RORA: variants seen among roughly 807,000 people sequenced by gnomAD.
RORA encodes nuclear receptor ROR-alpha.
Under a neutral mutation model 69.5 loss-of-function variants are expected in RORA, and 7 were observed. The ratio of observed to expected loss-of-function variants is 0.10; its 90% CI spans 0.06 to 0.19. The LOEUF is 0.19. RORA is among the 10% of genes least tolerant of loss of function. The pLI, the probability that RORA is intolerant of heterozygous loss-of-function variation, is 1.00. For synonymous variants in RORA, 261 were observed against 240.8 expected (o/e 1.08, Z -0.78); for missense variants, 457 against 663.0 (o/e 0.69, Z 3.41).
chr15:60,829,062 A>G (rs2073003469), intron 1 of RORA, among the ~76,000 whole-genome samples: 1 of 152,170 alleles, frequency 6.6e-6, no homozygotes, highest in African/African-American at 2.4e-5. Context: ...CCTTGGAGCC[A>G]GTGAGAGAAC....
At chr15:60,896,258 A>C (rs1170489113) in intron 1 of RORA, among the ~76,000 whole-genome samples, 1 of 152,212 alleles carries the variant, frequency 6.6e-6, no homozygotes, top group African/African-American at 2.4e-5. Context: ...TTGTCTGCCC[A>C]AGCCTTTTTT....
chr15:60,741,872 C>T (rs1217043193), intron 1 of RORA, among the ~76,000 whole-genome samples: 1 of 152,172 alleles, frequency 6.6e-6, no homozygotes, highest in Non-Finnish European at 1.5e-5. Context: ...AGCTGATCCC[C>T]TCACTCGCCT....
chr15:60,561,931 CAAAA>C (rs112281659), intron 2 of RORA, among the ~76,000 whole-genome samples: 1 of 147,070 alleles, frequency 6.8e-6, no homozygotes, highest in African/African-American at 2.5e-5. Context: ...ATGGGTTTAA[CAAAA>C]AAAAAAATTT....
intron 1 of RORA, among the ~76,000 whole-genome samples, chr15:60,919,473 T>A (rs1012427713): frequency 1.3e-5 from 2 of 152,190 alleles, no homozygotes; most frequent in South Asian, 2.1e-4. Flanking sequence ...TGTTGATGCC[T>A]CAAAATTGAG....
intron 2 of RORA, among the ~76,000 whole-genome samples, chr15:60,636,823 C>T (rs1380514911): frequency 6.6e-6 from 1 of 152,082 alleles, no homozygotes; most frequent in Non-Finnish European, 1.5e-5. Flanking sequence ...TAAAAATCTT[C>T]ACAACTAAAA....
chr15:60,666,219 G>C (rs2070379024), intron 2 of RORA, among the ~76,000 whole-genome samples: 1 of 149,824 alleles, frequency 6.7e-6, no homozygotes, highest in East Asian at 1.9e-4. Context: ...CTAGTCTAGA[G>C]TGCAGTGGTG....
At chr15:61,060,387 C>G (rs1044400046) in intron 1 of RORA, among the ~76,000 whole-genome samples, 1 of 152,180 alleles carries the variant, frequency 6.6e-6, no homozygotes, top group Non-Finnish European at 1.5e-5. Context: ...AGGAACCCTT[C>G]TTCCAGGCCT....
At chr15:61,228,959 C>G in intron 1 of RORA, 94 bp downstream of exon 1, 1 of 485,968 alleles carries the variant, frequency 2.1e-6, no homozygotes, top group Non-Finnish European at 2.7e-6. Flanking sequence ...GCGCGGCCGC[C>G]GGACCCCGCG....
intron 2 of RORA, among the ~76,000 whole-genome samples, chr15:60,536,253 A>C (rs1284248018): frequency 1.3e-5 from 2 of 152,236 alleles, no homozygotes; most frequent in Non-Finnish European, 2.9e-5. Context: ...CATTTTATAT[A>C]TGTATTCTCT....
At chr15:60,689,142 A>G (rs942229031) in intron 1 of RORA, among the ~76,000 whole-genome samples, 6 of 152,198 alleles carry the variant, frequency 3.9e-5, no homozygotes, top group African/African-American at 1.4e-4. Flanking sequence ...CTCAGTTTCA[A>G]TATCTGTAGG....
chr15:60,647,955 C>T (rs762412589), intron 2 of RORA, among the ~76,000 whole-genome samples: 8 of 152,148 alleles, frequency 5.3e-5, no homozygotes, highest in Non-Finnish European at 1.2e-4. Flanking sequence ...TACAGGCTGC[C>T]GGACCAGGTG....
In RORA at chr15:60,875,159, T is replaced by C. The variant is rs777330625; in HGVS notation, c.167-196473A>G. 7.7e-4 allele frequency among the ~76,000 whole-genome samples: 117 copies of C among 152,268 alleles called. 3 individuals are homozygous for C. Among genetic ancestry groups the C allele is most frequent in the East Asian group, 1.7e-3 (9 of 5,186 alleles). ...TAAGCTGGAATGTAATCCTACAAAGTTGGAAAGTTTATTCTGTTTACTGCT... is the reference window on the plus strand; with the variant it reads ...TAAGCTGGAATGTAATCCTACAAAGCTGGAAAGTTTATTCTGTTTACTGCT... On this transcript the variant is annotated intron_variant, in intron 1 of 10. Coordinates refer to ENST00000335670, the MANE Select transcript of RORA (RefSeq NM_134261.3).
chr15:60,839,988 T>C (rs1313981286), intron 1 of RORA, among the ~76,000 whole-genome samples: 1 of 151,702 alleles, frequency 6.6e-6, no homozygotes, highest in Non-Finnish European at 1.5e-5. Context: ...GAAGTAAGAG[T>C]TACGCCCTGT....
chr15:61,210,982 G>A (rs1037869580), intron 1 of RORA, among the ~76,000 whole-genome samples: 29 of 152,214 alleles, frequency 1.9e-4, no homozygotes, highest in Non-Finnish European at 2.5e-4. Context: ...GAGAACTCCC[G>A]AAGGTGGTTC....
chr15:60,753,552 C>T (rs2071757407), intron 1 of RORA, among the ~76,000 whole-genome samples: 1 of 152,246 alleles, frequency 6.6e-6, no homozygotes, highest in Non-Finnish European at 1.5e-5. Context: ...TCACAACCAC[C>T]ATGCATGCGT....
chr15:60,718,786 G>C (rs1302276533), intron 1 of RORA, among the ~76,000 whole-genome samples: 2 of 152,148 alleles, frequency 1.3e-5, no homozygotes, highest in Non-Finnish European at 2.9e-5. Context: ...ATCTCTCAAA[G>C]GCACATCAAG....
chr15:60,800,235 T>C lies in RORA; in HGVS notation c.167-121549A>G, dbSNP rs572065471. On this transcript the variant is annotated intron_variant, in intron 1 of 10. Coordinates refer to ENST00000335670, the MANE Select transcript of RORA (RefSeq NM_134261.3). Reference sequence around the variant, plus strand: ...TTTCCCAGCACACTACTGATACAAATACTTGTTAAATAAACAAAAGAAGAA... The same window carrying C: ...TTTCCCAGCACACTACTGATACAAACACTTGTTAAATAAACAAAAGAAGAA... Among the ~76,000 whole-genome samples the C allele has an allele frequency of 3.3e-5, 5 of 152,304 alleles. No individual in the cohort carries two copies. In the South Asian group the frequency reaches 1.0e-3, roughly 32 times the overall value.
intron 1 of RORA, among the ~76,000 whole-genome samples, chr15:61,001,441 G>C (rs1175659144): frequency 6.6e-6 from 1 of 152,236 alleles, no homozygotes; most frequent in African/African-American, 2.4e-5. Flanking sequence ...GAAAACTAAC[G>C]TGATGTGCTG....
At chr15:60,584,745 C>T (rs1343529412) in intron 2 of RORA, among the ~76,000 whole-genome samples, 4 of 151,996 alleles carry the variant, frequency 2.6e-5, no homozygotes, top group Non-Finnish European at 5.9e-5. Context: ...GAAAAAAAAC[C>T]TTTCCAACAA....
Sources: allele counts gnomAD v4.1 joint callset (sites outside exome capture counted in the v4.1 genomes callset), GRCh38; gene constraint gnomAD v4.1.1; transcripts MANE v1.5; gene names NCBI Gene and HGNC (gene_info 2026-07-23, HGNC 2026-07-21).